MYRIP: variants seen among roughly 807,000 people sequenced by gnomAD.
MYRIP encodes the protein myosin VIIA and Rab interacting protein.
In MYRIP, 49 loss-of-function variants were observed where a neutral mutation model predicts 98.0. That is an observed-to-expected ratio of 0.50 (90% CI 0.40 to 0.63). The LOEUF is 0.63. Ranked by LOEUF, MYRIP falls within the 30% of genes least tolerant of loss-of-function variation. MYRIP has a pLI of 0.00. For synonymous variants in MYRIP, 404 were observed against 409.5 expected (o/e 0.99, Z 0.16); for missense variants, 1,004 against 1,058.2 (o/e 0.95, Z 0.71).
intron 1 of MYRIP, among the ~76,000 whole-genome samples, chr3:39,872,801 T>C (rs1388786488): frequency 6.6e-6 from 1 of 152,186 alleles, no homozygotes; most frequent in Non-Finnish European, 1.5e-5. Context: ...TAAATATACG[T>C]CTGTATGTGT....
At chr3:40,226,488 A>G (rs1952495001) in intron 11 of MYRIP, among the ~76,000 whole-genome samples, 1 of 152,032 alleles carries the variant, frequency 6.6e-6, no homozygotes, top group Non-Finnish European at 1.5e-5. Context: ...TCTTTCCTAC[A>G]CTTACTTTCT....
chr3:39,855,203 TG>T (rs1407751171), intron 1 of MYRIP, among the ~76,000 whole-genome samples: 1 of 152,196 alleles, frequency 6.6e-6, no homozygotes, highest in Non-Finnish European at 1.5e-5. Context: ...AATTAGGTAT[TG>T]TCTTCTTCCT....
intron 1 of MYRIP, among the ~76,000 whole-genome samples, chr3:39,842,718 T>C (rs1941839843): frequency 6.6e-6 from 1 of 151,966 alleles, no homozygotes; most frequent in African/African-American, 2.4e-5. Context: ...GAGAGGGAGT[T>C]CCCTGACCCC....
intron 2 of MYRIP, among the ~76,000 whole-genome samples, chr3:40,033,486 T>C (rs1027886708): frequency 6.6e-6 from 1 of 152,092 alleles, no homozygotes; most frequent in Non-Finnish European, 1.5e-5. Context: ...TCAAAGAGAA[T>C]AAAATACCTA....
At chr3:40,164,187 G>A (rs1799423) in intron 5 of MYRIP, among the ~76,000 whole-genome samples, 59,939 of 151,964 alleles carry the variant, frequency 0.39, 13,177 homozygotes, top group Non-Finnish European at 0.5. Flanking sequence ...TGTCAGCTCT[G>A]TTTTCAATCT....
chr3:40,211,136 G>A (rs1481071191), intron 11 of MYRIP, among the ~76,000 whole-genome samples: 1 of 152,130 alleles, frequency 6.6e-6, no homozygotes, highest in Admixed American at 6.5e-5. Flanking sequence ...AAGTTTCAGA[G>A]CTAAGGCTGC....
intron 11 of MYRIP, among the ~76,000 whole-genome samples, chr3:40,218,125 TCTACTC>T (rs1354823326): frequency 2.0e-5 from 3 of 152,036 alleles, no homozygotes; most frequent in African/African-American, 4.8e-5. Flanking sequence ...ACCCAACAAT[TCTACTC>T]CTAAGTATTT....
chr3:40,101,157 A>G (rs1223628631), intron 3 of MYRIP, among the ~76,000 whole-genome samples: 1 of 152,152 alleles, frequency 6.6e-6, no homozygotes, highest in Non-Finnish European at 1.5e-5. Flanking sequence ...TTTGTTTTCA[A>G]CACCTCCAAC....
Position 40,251,881 on chromosome 3 carries a change from C to A in MYRIP, c.2429C>A (p.Ala810Asp). The change falls in exon 16 of 17, where the codon GCT (alanine) becomes GAT (aspartate). Residue 810 changes from alanine to aspartate, a missense_variant and splice_region_variant. Coordinates refer to ENST00000302541, the MANE Select transcript of MYRIP (RefSeq NM_015460.4). The part of the protein sequence containing the change: ...RRKLPAPPVK[A>D]EKIETSSVTT... ...TTTTTTCCCATTTATTTCCTTTTAG[C>A]TGAAAAAATTGAGACATCTTCAGTG... The A allele has an allele frequency of 6.3e-7, 1 of 1,594,708 alleles. No individual in the cohort carries two copies. Among genetic ancestry groups the A allele is most frequent in the Non-Finnish European group, 8.6e-7 (1 of 1,162,526 alleles).
chr3:40,214,090 C>T (rs1952043879), intron 11 of MYRIP, among the ~76,000 whole-genome samples: 2 of 152,216 alleles, frequency 1.3e-5, no homozygotes, highest in Admixed American at 6.5e-5. Context: ...AAGCCATGTG[C>T]ACCCCAATTT....
intron 9 of MYRIP, among the ~76,000 whole-genome samples, chr3:40,184,374 A>G (rs1395815902): frequency 6.6e-6 from 1 of 152,246 alleles, no homozygotes; most frequent in African/African-American, 2.4e-5. Flanking sequence ...AAAAAAATAC[A>G]GAGTCCATAT....
At chr3:39,917,527 G>GTGACTGTGA (rs551049712) in intron 2 of MYRIP, among the ~76,000 whole-genome samples, 269 of 150,942 alleles carry the variant, frequency 1.8e-3, no homozygotes, top group African/African-American at 6.2e-3. Context: ...TGAGAGAGAT[G>GTGACTGTGA]TGACTGTGAT....
intron 12 of MYRIP, among the ~76,000 whole-genome samples, chr3:40,242,931 A>AT (rs1379563182): frequency 1.3e-5 from 2 of 152,142 alleles, no homozygotes; most frequent in Non-Finnish European, 1.5e-5. Flanking sequence ...CTTCACTCAA[A>AT]TACCTTTGAA....
At chr3:40,162,645 C>T in intron 4 of MYRIP, 85 bp from the exon 5 acceptor site, 1 of 1,196,570 alleles carries the variant, frequency 8.4e-7, no homozygotes, top group Admixed American at 1.8e-5. Context: ...TAGTGGTCTG[C>T]CAGTTCAGTG....
At chr3:39,879,987 T>C (rs1315884373) in intron 1 of MYRIP, among the ~76,000 whole-genome samples, 2 of 152,226 alleles carry the variant, frequency 1.3e-5, no homozygotes, top group East Asian at 1.9e-4. Flanking sequence ...ACTGTTTTCA[T>C]TGAAGAAGCC....
intron 11 of MYRIP, among the ~76,000 whole-genome samples, chr3:40,221,643 G>GA (rs1421091015): frequency 6.6e-6 from 1 of 152,136 alleles, no homozygotes; most frequent in African/African-American, 2.4e-5. Context: ...GAAACGAAAA[G>GA]AATGACATTT....
chr3:39,952,718 G>T (rs551875753), intron 2 of MYRIP, among the ~76,000 whole-genome samples: 1 of 152,288 alleles, frequency 6.6e-6, no homozygotes, highest in Admixed American at 6.5e-5. Flanking sequence ...AGGATTGGTA[G>T]TAATGAATTT....
At chr3:40,051,188 CTT>C (rs756949862) in intron 3 of MYRIP, among the ~76,000 whole-genome samples, 2 of 152,052 alleles carry the variant, frequency 1.3e-5, no homozygotes, top group African/African-American at 4.8e-5. Flanking sequence ...ACAGAGAACT[CTT>C]TCATGAAAGG....
intron 2 of MYRIP, among the ~76,000 whole-genome samples, chr3:39,937,270 T>C (rs1944675285): frequency 6.6e-6 from 1 of 152,202 alleles, no homozygotes; most frequent in Non-Finnish European, 1.5e-5. Context: ...CAAGGTCAAA[T>C]AGTAAAATGT....
Sources: allele counts gnomAD v4.1 joint callset (sites outside exome capture counted in the v4.1 genomes callset), GRCh38; gene constraint gnomAD v4.1.1; transcripts MANE v1.5; gene names NCBI Gene and HGNC (gene_info 2026-07-23, HGNC 2026-07-21).